Variants in GRIK1 observed in about 807,000 individuals in gnomAD.
The protein encoded by GRIK1 is glutamate ionotropic receptor kainate type subunit 1.
Under a neutral mutation model 105.7 loss-of-function variants are expected in GRIK1, and 69 were observed. The observed-to-expected ratio is 0.65, with a 90% CI of 0.54 to 0.80. The LOEUF (loss-of-function observed/expected upper bound fraction) is 0.80, where lower values mean the gene tolerates loss of function less well. Among genes scored for constraint, GRIK1 ranks in the 30% least tolerant of loss-of-function variants. The probability of loss-of-function intolerance (pLI) is 0.00; values close to 1 mark genes in which losing one functional copy is unlikely to be tolerated. For missense variants in GRIK1, 1,109 were observed against 1,167.3 expected (o/e 0.95, Z 0.73); for synonymous variants, 438 against 431.3 (o/e 1.02, Z -0.19).
intron 1 of GRIK1, among the ~76,000 whole-genome samples, chr21:29,743,991 C>T (rs182485484): frequency 4.7e-4 from 72 of 152,270 alleles, no homozygotes; most frequent in Middle Eastern, 3.4e-3. Flanking sequence ...AGGCTTACCA[C>T]CTGGGTGATG....
intron 1 of GRIK1, among the ~76,000 whole-genome samples, chr21:29,913,800 A>G (rs979772002): frequency 5.9e-5 from 9 of 151,692 alleles, no homozygotes; most frequent in African/African-American, 2.2e-4. Flanking sequence ...TTGGTTTTTC[A>G]TATCATTTTA....
At position 29,797,317 on chromosome 21, in the gene GRIK1, A is replaced by AATC. The variant is rs1167051701; in HGVS notation, c.119-103257_119-103255dup. Among the ~76,000 whole-genome samples the AATC allele has an allele frequency of 1.5e-4, 23 of 152,322 alleles. No individual in the cohort carries two copies. The East Asian group carries it at 4.4e-3, about 29-fold the overall frequency. Reference sequence around the variant, plus strand: ...CAGTGGCCAGAGAATAATTGCTGCCAATCAGGCCTTTCTCACCCACGGTTC... The same window carrying AATC: ...CAGTGGCCAGAGAATAATTGCTGCCAATCATCAGGCCTTTCTCACCCACGGTTC... On this transcript the variant is annotated intron_variant, in intron 1 of 17. Coordinates refer to ENST00000327783, the MANE Select transcript of GRIK1 (RefSeq NM_001330994.2).
chr21:29,767,104 T>C (rs185983110), intron 1 of GRIK1, among the ~76,000 whole-genome samples: 218 of 152,294 alleles, frequency 1.4e-3, no homozygotes, highest in Non-Finnish European at 2.0e-3. Flanking sequence ...GACTGGCACA[T>C]ACTTCATCCG....
chr21:29,822,330 C>G (rs991892149), intron 1 of GRIK1, among the ~76,000 whole-genome samples: 1 of 151,970 alleles, frequency 6.6e-6, no homozygotes, highest in Admixed American at 6.6e-5. Context: ...TTTCCTGACC[C>G]TTGAATATTG....
chr21:29,766,001 G>A (rs964652702), intron 1 of GRIK1, among the ~76,000 whole-genome samples: 16 of 151,830 alleles, frequency 1.1e-4, no homozygotes, highest in East Asian at 7.7e-4. Flanking sequence ...ACAGGCGCCC[G>A]CCACCACGCC....
At chr21:29,785,561 C>CAAAA (rs950219193) in intron 1 of GRIK1, among the ~76,000 whole-genome samples, 7 of 57,968 alleles carry the variant, frequency 1.2e-4, no homozygotes, top group East Asian at 5.2e-4. Context: ...GAGACTGTCT[C>CAAAA]AAAAAAAAAA....
chr21:29,691,495 G>A (rs1424674365), intron 2 of GRIK1, among the ~76,000 whole-genome samples: 1 of 152,172 alleles, frequency 6.6e-6, no homozygotes, highest in African/African-American at 2.4e-5. Context: ...ATAGTTTGAA[G>A]TCACTTGAAA....
intron 6 of GRIK1, among the ~76,000 whole-genome samples, chr21:29,645,442 AC>A (rs2062598263): frequency 6.6e-6 from 1 of 152,170 alleles, no homozygotes. Context: ...TAATAATCTG[AC>A]TTTTCCATAA....
intron 1 of GRIK1, among the ~76,000 whole-genome samples, chr21:29,847,463 T>C (rs1023119822): frequency 3.3e-5 from 5 of 152,088 alleles, no homozygotes; most frequent in Non-Finnish European, 7.4e-5. Context: ...GGCGTGGTAG[T>C]GCGAACCTGT....
chr21:29,790,161 T>C (rs925098375), intron 1 of GRIK1, among the ~76,000 whole-genome samples: 1 of 152,196 alleles, frequency 6.6e-6, no homozygotes, highest in Non-Finnish European at 1.5e-5. Flanking sequence ...GCGATTCTCC[T>C]GCCTCAGCCT....
Position 29,917,569 on chromosome 21 carries a change from C to T in GRIK1, c.118+21814G>A, listed in dbSNP as rs560540036. Among the ~76,000 whole-genome samples, 3 of 152,144 alleles carry T rather than the reference C, an allele frequency of 2.0e-5. No homozygotes were observed. In the South Asian group the frequency reaches 6.2e-4, roughly 32 times the overall value. On this transcript the variant is annotated intron_variant, in intron 1 of 17. Transcript: ENST00000327783. Reference sequence around the variant, plus strand: ...AGCATTTACATTGAAATGTTCTCTTCTTCAATCTAAAACTCTTCAAATGCT... The same window carrying T: ...AGCATTTACATTGAAATGTTCTCTTTTTCAATCTAAAACTCTTCAAATGCT...
At chr21:29,886,576 C>T (rs1474889679) in intron 1 of GRIK1, among the ~76,000 whole-genome samples, 1 of 152,106 alleles carries the variant, frequency 6.6e-6, no homozygotes, top group Non-Finnish European at 1.5e-5. Context: ...GGAATTACAA[C>T]TTCGTACTTA....
chr21:29,645,633 TACA>T (rs1339740665), intron 6 of GRIK1, among the ~76,000 whole-genome samples: 2 of 152,220 alleles, frequency 1.3e-5, no homozygotes, highest in Non-Finnish European at 2.9e-5. Flanking sequence ...AGAAAATGTT[TACA>T]TTAACTATAT....
intron 1 of GRIK1, among the ~76,000 whole-genome samples, chr21:29,891,999 G>A (rs1162720049): frequency 6.6e-6 from 1 of 152,186 alleles, no homozygotes; most frequent in Non-Finnish European, 1.5e-5. Flanking sequence ...GAATTAAAGT[G>A]TATTTGATTC....
chr21:29,712,661 C>T (rs1413869280), intron 1 of GRIK1, among the ~76,000 whole-genome samples: 1 of 152,046 alleles, frequency 6.6e-6, no homozygotes, highest in Non-Finnish European at 1.5e-5. Context: ...TATTGTATTT[C>T]GTTGGATTGC....
At chr21:29,732,835 C>T (rs1232435828) in intron 1 of GRIK1, among the ~76,000 whole-genome samples, 1 of 152,106 alleles carries the variant, frequency 6.6e-6, no homozygotes, top group East Asian at 1.9e-4. Context: ...CATCCTAGTT[C>T]TGTGTGACTG....
chr21:29,608,089 T>C (rs1254167565), intron 7 of GRIK1, among the ~76,000 whole-genome samples: 1 of 152,134 alleles, frequency 6.6e-6, no homozygotes, highest in Non-Finnish European at 1.5e-5. Flanking sequence ...GTATGTCTGC[T>C]TATACCTATA....
chr21:29,678,596 CAAAGAA>C (rs1406290139), intron 3 of GRIK1, among the ~76,000 whole-genome samples: 1 of 151,916 alleles, frequency 6.6e-6, no homozygotes, highest in Non-Finnish European at 1.5e-5. Context: ...AGGTTCTGGT[CAAAGAA>C]CCGAGGTGGG....
intron 1 of GRIK1, among the ~76,000 whole-genome samples, chr21:29,731,079 G>T (rs1181577093): frequency 2.0e-5 from 3 of 152,170 alleles, no homozygotes; most frequent in Non-Finnish European, 4.4e-5. Flanking sequence ...GAAGTTAGAA[G>T]GAGGCAAATG....
Sources: allele counts gnomAD v4.1 joint callset (sites outside exome capture counted in the v4.1 genomes callset), GRCh38; gene constraint gnomAD v4.1.1; transcripts MANE v1.5; gene names NCBI Gene and HGNC (gene_info 2026-07-23, HGNC 2026-07-21).